SCMH1: variants seen among roughly 807,000 people sequenced by gnomAD.
SCMH1 encodes polycomb protein SCMH1.
Under a neutral mutation model 70.8 loss-of-function variants are expected in SCMH1, and 37 were observed. That is an observed-to-expected ratio of 0.52 (90% CI 0.40 to 0.69). SCMH1 has a LOEUF of 0.69. Among genes scored for constraint, SCMH1 ranks in the 30% least tolerant of loss-of-function variants. The pLI is 0.00. For missense variants in SCMH1, 607 were observed against 827.3 expected (o/e 0.73, Z 3.27); for synonymous variants, 292 against 307.4 (o/e 0.95, Z 0.52).
intron 6 of SCMH1, among the ~76,000 whole-genome samples, chr1:41,127,739 G>A (rs1240779352): frequency 6.6e-6 from 1 of 152,098 alleles, no homozygotes; most frequent in South Asian, 2.1e-4. Flanking sequence ...GCCCTTATTT[G>A]ATAGAACTAT....
intron 8 of SCMH1, among the ~76,000 whole-genome samples, chr1:41,093,028 T>C (rs1664083385): frequency 1.3e-5 from 2 of 152,138 alleles, no homozygotes; most frequent in African/African-American, 4.8e-5. Flanking sequence ...ACTGGGCATA[T>C]ACCCAAAGGA....
intron 10 of SCMH1, among the ~76,000 whole-genome samples, chr1:41,067,099 T>G (rs1654849807): frequency 6.6e-6 from 1 of 151,974 alleles, no homozygotes; most frequent in African/African-American, 2.4e-5. Context: ...GGTGAGTGGA[T>G]AAATAAACTG....
intron 2 of SCMH1, among the ~76,000 whole-genome samples, chr1:41,176,435 G>A (rs930268600): frequency 2.0e-5 from 3 of 152,208 alleles, no homozygotes; most frequent in Non-Finnish European, 2.9e-5. Flanking sequence ...CTGAGCATGA[G>A]CCGAAGCAGG....
intron 8 of SCMH1, among the ~76,000 whole-genome samples, chr1:41,084,481 G>A (rs1660991646): frequency 6.6e-6 from 1 of 152,130 alleles, no homozygotes; most frequent in Non-Finnish European, 1.5e-5. Flanking sequence ...GAAATAACAG[G>A]TGCTGGGGAG....
chr1:41,150,493 A>C (rs574307904), intron 5 of SCMH1, among the ~76,000 whole-genome samples: 3 of 152,230 alleles, frequency 2.0e-5, no homozygotes, highest in Non-Finnish European at 4.4e-5. Context: ...ACAGAGCGAG[A>C]CTCTGTCTCA....
At chr1:41,083,200 G>T (rs374140519) in intron 8 of SCMH1, among the ~76,000 whole-genome samples, 3 of 152,108 alleles carry the variant, frequency 2.0e-5, no homozygotes, top group Admixed American at 6.6e-5. Flanking sequence ...TGTTTGCAGA[G>T]GACATGATTG....
rs1441903636 is a variant in SCMH1 at position 41,113,950 on chromosome 1, T to C, written c.502-424A>G. On this transcript the variant is annotated intron_variant, in intron 7 of 14. Transcript: ENST00000337495. This position sits in a 1 kb window ranked among gnomAD's most constrained non-coding sequence, Gnocchi z 4.3. ...ATCATTGTACAATTTGCTTTTTGTT[T>C]AGCAGTATGTTTTTGAAATCTGCCC... is the stretch of plus-strand genomic sequence containing the variant. 2.0e-5 allele frequency among the ~76,000 whole-genome samples: 3 copies of C among 152,220 alleles called. No individual in the cohort carries two copies. Among genetic ancestry groups the C allele is most frequent in the African/African-American group, 7.2e-5 (3 of 41,466 alleles).
chr1:41,196,173 T>C (rs1652973548), intron 1 of SCMH1, among the ~76,000 whole-genome samples: 1 of 152,168 alleles, frequency 6.6e-6, no homozygotes, highest in Non-Finnish European at 1.5e-5. Context: ...ACGCAATCCC[T>C]ATCAAAATCC....
intron 1 of SCMH1, among the ~76,000 whole-genome samples, chr1:41,232,151 C>T (rs1261140268): frequency 1.3e-5 from 2 of 152,002 alleles, no homozygotes; most frequent in African/African-American, 2.4e-5. Context: ...ATATCTGTCA[C>T]CTAAATAGTA....
rs186112603 is a variant in SCMH1 at position 41,171,513 on chromosome 1, T to C, written c.14-10081A>G. 6.6e-5 allele frequency among the ~76,000 whole-genome samples: 10 copies of C among 150,448 alleles called. No individual in the cohort carries two copies. In the East Asian group the frequency reaches 2.0e-3, roughly 29 times the overall value. On this transcript the variant is annotated intron_variant, in intron 2 of 14. Transcript: ENST00000337495. ...GGAATGGCCTTGTGGTAAAACCCTG[T>C]CTACATTAAAAATTAAAAAAAAAAA...
intron 5 of SCMH1, among the ~76,000 whole-genome samples, chr1:41,146,160 G>A (rs1228990185): frequency 3.3e-5 from 5 of 151,632 alleles, no homozygotes; most frequent in Non-Finnish European, 1.5e-5. Flanking sequence ...TGATGATCCC[G>A]AGTCTGTGTA....
chr1:41,155,745 G>A (rs1181802753), intron 4 of SCMH1, among the ~76,000 whole-genome samples: 2 of 152,102 alleles, frequency 1.3e-5, no homozygotes, highest in Non-Finnish European at 2.9e-5. Flanking sequence ...ACTTTGGGAG[G>A]CTGAGGCGGG....
chr1:41,040,835 G>A (rs1181364475), intron 12 of SCMH1, among the ~76,000 whole-genome samples: 2 of 152,118 alleles, frequency 1.3e-5, no homozygotes, highest in South Asian at 4.1e-4. Context: ...TTGCACTCCA[G>A]CCTGGGCAAC....
At chr1:41,153,530 G>T (rs1022450097) in intron 4 of SCMH1, among the ~76,000 whole-genome samples, 1 of 152,108 alleles carries the variant, frequency 6.6e-6, no homozygotes, top group Non-Finnish European at 1.5e-5. Context: ...ATTAATTACA[G>T]TTCTCCATTA....
At chr1:41,150,126 T>C (rs747166337) in intron 5 of SCMH1, among the ~76,000 whole-genome samples, 2 of 152,182 alleles carry the variant, frequency 1.3e-5, no homozygotes, top group Non-Finnish European at 2.9e-5. Flanking sequence ...GACAGTAAGC[T>C]AGAAAATCAT....
chr1:41,181,791 C>T (rs1021151959), intron 2 of SCMH1, among the ~76,000 whole-genome samples: 5 of 152,152 alleles, frequency 3.3e-5, no homozygotes, highest in African/African-American at 4.8e-5. Context: ...GTCAGTGTGG[C>T]GATTCCTCAG....
intron 8 of SCMH1, among the ~76,000 whole-genome samples, chr1:41,091,315 G>C (rs1663426544): frequency 6.6e-6 from 1 of 152,058 alleles, no homozygotes; most frequent in South Asian, 2.1e-4. Flanking sequence ...TGCAGAAAAG[G>C]CCTTCGACAA....
chr1:41,070,464 G>T, intron 10 of SCMH1, 131 bp downstream of exon 10: 1 of 1,221,578 alleles, frequency 8.2e-7, no homozygotes, highest in Non-Finnish European at 1.1e-6. Flanking sequence ...AAATGCCAAA[G>T]ATAAAATTTT....
chr1:41,202,017 A>G (rs1654466488), intron 1 of SCMH1, among the ~76,000 whole-genome samples: 1 of 152,022 alleles, frequency 6.6e-6, no homozygotes, highest in South Asian at 2.1e-4. Flanking sequence ...CACTTCAGAG[A>G]CCAAAGTTTA....
Sources: allele counts gnomAD v4.1 joint callset (sites outside exome capture counted in the v4.1 genomes callset), GRCh38; gene constraint gnomAD v4.1.1; non-coding constraint Gnocchi (gnomAD v3.1); transcripts MANE v1.5; gene names NCBI Gene and HGNC (gene_info 2026-07-23, HGNC 2026-07-21).